Variants in AKAP10 observed in about 807,000 individuals in gnomAD.
The protein encoded by AKAP10 is A-kinase anchoring protein 10.
Under a neutral mutation model 80.8 loss-of-function variants are expected in AKAP10, and 24 were observed. The ratio of observed to expected loss-of-function variants is 0.30; its 90% CI spans 0.22 to 0.42. The LOEUF (loss-of-function observed/expected upper bound fraction) is 0.42, where lower values mean the gene tolerates loss of function less well. AKAP10 is among the 10% of genes least tolerant of loss of function. The probability of loss-of-function intolerance (pLI) is 1.00; values close to 1 mark genes in which losing one functional copy is unlikely to be tolerated. For missense variants in AKAP10, 661 were observed against 794.9 expected, an observed-to-expected ratio of 0.83 and a Z score of 2.03; for synonymous variants, 291 against 277.7, an observed-to-expected ratio of 1.05 and a Z score of -0.48.
At chr17:19,963,700 G>A (rs1357428401) in intron 2 of AKAP10, among the ~76,000 whole-genome samples, 1 of 152,008 alleles carries the variant, frequency 6.6e-6, no homozygotes, top group Non-Finnish European at 1.5e-5. Flanking sequence ...TTCAAGACCA[G>A]CCTGACCAAC....
intron 12 of AKAP10, among the ~76,000 whole-genome samples, chr17:19,914,620 C>A (rs1408672917): frequency 7.6e-6 from 1 of 130,776 alleles, no homozygotes; most frequent in Non-Finnish European, 1.6e-5. Flanking sequence ...CAGAGCAAGA[C>A]CCTATCTCAA....
At chr17:19,929,415 G>A (rs2042908681) in intron 10 of AKAP10, 1 of 152,136 alleles carries the variant, frequency 6.6e-6, no homozygotes, top group Non-Finnish European at 1.5e-5. Context: ...AACAGGTAAT[G>A]CTAATCTATG....
intron 7 of AKAP10, among the ~76,000 whole-genome samples, chr17:19,940,369 T>A (rs1026296786): frequency 2.0e-5 from 3 of 152,222 alleles, no homozygotes; most frequent in African/African-American, 7.2e-5. Context: ...TACTTAATAG[T>A]CATTTGCTTT....
intron 4 of AKAP10, among the ~76,000 whole-genome samples, chr17:19,952,040 A>T (rs989066417): frequency 2.0e-5 from 3 of 151,364 alleles, no homozygotes; most frequent in Non-Finnish European, 2.9e-5. Context: ...ATTAATACCA[A>T]TAATTATATT....
chr17:19,943,264 T>C (rs1045308764), intron 5 of AKAP10, among the ~76,000 whole-genome samples: 1 of 152,178 alleles, frequency 6.6e-6, no homozygotes, highest in Admixed American at 6.5e-5. Flanking sequence ...ATGAGATGAC[T>C]TGTGGCTGTG....
chr17:19,954,553 C>G (rs562734439), intron 4 of AKAP10, among the ~76,000 whole-genome samples: 1 of 149,460 alleles, frequency 6.7e-6, no homozygotes, highest in Admixed American at 6.7e-5. Flanking sequence ...GGCGCGATCT[C>G]GGCTCACTGC....
chr17:19,954,910 G>C (rs2043256721), intron 4 of AKAP10, among the ~76,000 whole-genome samples: 1 of 151,596 alleles, frequency 6.6e-6, no homozygotes, highest in African/African-American at 2.4e-5. Context: ...ATGACAAGTT[G>C]AATGTAAATT....
intron 8 of AKAP10, among the ~76,000 whole-genome samples, chr17:19,937,040 A>AT (rs1216396497): frequency 6.6e-6 from 1 of 152,142 alleles, no homozygotes; most frequent in Non-Finnish European, 1.5e-5. Flanking sequence ...TTGATGGGGT[A>AT]TAATGCAGGT....
intron 13 of AKAP10, 49 bp downstream of exon 13, chr17:19,909,877 G>A (rs764949322): frequency 1.3e-6 from 2 of 1,570,742 alleles, no homozygotes; most frequent in Admixed American, 1.7e-5. Context: ...ACTTACATGA[G>A]GGTGGCACTT....
intron 10 of AKAP10, among the ~76,000 whole-genome samples, chr17:19,931,596 G>C (rs1036318856): frequency 3.3e-5 from 5 of 151,878 alleles, no homozygotes; most frequent in African/African-American, 9.7e-5. Context: ...TCACCATGTC[G>C]GCCAGGCTGG....
At chr17:19,910,277 G>A (rs1213723283) in intron 12 of AKAP10, among the ~76,000 whole-genome samples, 2 of 138,576 alleles carry the variant, frequency 1.4e-5, no homozygotes, top group African/African-American at 5.5e-5. Flanking sequence ...AGCGAGCTGA[G>A]ATCGTGCCAC....
chr17:19,943,601 T>A (rs112709559), intron 5 of AKAP10, among the ~76,000 whole-genome samples: 1 of 152,210 alleles, frequency 6.6e-6, no homozygotes, highest in Admixed American at 6.5e-5. Flanking sequence ...TCAATCTGTA[T>A]CCTTTGTAAT....
chr17:19,910,349 T>TCAC (rs1211616978), intron 12 of AKAP10, among the ~76,000 whole-genome samples: 5 of 116,658 alleles, frequency 4.3e-5, no homozygotes, highest in Admixed American at 8.4e-5. Flanking sequence ...AAAACCACTA[T>TCAC]CACCACCACC....
chr17:19,960,392 CT>C (rs2152418019), intron 3 of AKAP10, among the ~76,000 whole-genome samples: 1 of 152,326 alleles, frequency 6.6e-6, no homozygotes, highest in East Asian at 1.9e-4. Flanking sequence ...AAACACTAAT[CT>C]TTTCATTTCT....
At position 19,947,511 on chromosome 17, in the gene AKAP10, A is replaced by C. The variant is rs776770098; in HGVS notation, c.878-6T>G. 3 of 1,600,364 alleles carry C rather than the reference A, an allele frequency of 1.9e-6. No individual in the cohort carries two copies. The highest frequency in any genetic ancestry group is 2.6e-6 in the Non-Finnish European group (3 of 1,168,944). On this transcript the variant is annotated splice_region_variant and splice_polypyrimidine_tract_variant and intron_variant, in intron 4 of 14. Transcript: ENST00000225737. ...CACTGCATCTTGTTCTATACCTGCA[A>C]GGGAAGAAGAGAACTTCAAAAACCA...
At position 19,926,483 on chromosome 17, in the gene AKAP10, A is replaced by C. The variant is rs1001960010; in HGVS notation, c.1642-1966T>G. Reference sequence around the variant, plus strand: ...GTAAGTTCTAGCCAGAAAAAAAACTATCTCTATCCATAAATGACATGATCT... The same window carrying C: ...GTAAGTTCTAGCCAGAAAAAAAACTCTCTCTATCCATAAATGACATGATCT... On this transcript the variant is annotated intron_variant, in intron 10 of 14. Transcript: ENST00000225737. Among the ~76,000 whole-genome samples the C allele has an allele frequency of 4.6e-5, 7 of 152,284 alleles. No homozygotes were observed. The East Asian group carries it at 9.7e-4, about 21-fold the overall frequency.
chr17:19,905,889 T>C lies in AKAP10; in HGVS notation c.*338A>G. The C allele has an allele frequency of 3.6e-6, 1 of 276,790 alleles. No homozygotes were observed. The allele number at this position is 276,790 out of a possible 1,614,324, so 17.1% of individuals were successfully genotyped here. ...ATCAAGTATCAGTTCTATGCTTATC[T>C]GCTTCCCAGAGGATGTGGTCCCTGT... On this transcript the variant is annotated 3_prime_UTR_variant, in exon 15 of 15. Coordinates refer to ENST00000225737, the MANE Select transcript of AKAP10 (RefSeq NM_007202.4).
intron 5 of AKAP10, 95 bp downstream of exon 5, chr17:19,947,312 T>A (rs1006016619): frequency 2.1e-5 from 20 of 942,118 alleles, no homozygotes; most frequent in Non-Finnish European, 3.3e-5. Context: ...CTAAATTCCA[T>A]GTTAAGAAAA....
At chr17:19,917,754 C>T (rs1567752445) in intron 12 of AKAP10, among the ~76,000 whole-genome samples, 1 of 151,982 alleles carries the variant, frequency 6.6e-6, no homozygotes, top group Admixed American at 6.6e-5. Flanking sequence ...AACCCCATCT[C>T]TACTAAAAAT....
Sources: gnomAD v4.1 joint callset for allele counts (sites outside exome capture counted in the v4.1 genomes callset) on GRCh38, gnomAD v4.1.1 for gene constraint, MANE v1.5 for transcripts, NCBI Gene and HGNC (gene_info 2026-07-23, HGNC 2026-07-21) for gene names.